EML6: variants seen among roughly 807,000 people sequenced by gnomAD.
EML6 encodes the protein EMAP like 6, also known as echinoderm microtubule-associated protein-like 6.
EML6 carries 154 observed loss-of-function variants against 240.1 expected under a neutral mutation model. The observed-to-expected ratio is 0.64, with a 90% CI of 0.56 to 0.73. The LOEUF is 0.73. EML6 is among the 30% of genes least tolerant of loss of function. EML6 has a pLI of 0.00. For synonymous variants in EML6, 1,148 were observed against 899.0 expected (o/e 1.28, Z -4.95); for missense variants, 2,964 against 2,474.6 (o/e 1.20, Z -4.20).
Position 54,816,902 on chromosome 2 carries a change from T to A in EML6, c.456+17T>A, listed in dbSNP as rs749042204. 91 of 1,519,990 alleles carry A rather than the reference T, an allele frequency of 6.0e-5. No homozygotes were observed. Among genetic ancestry groups the A allele is most frequent in the Non-Finnish European group, 7.3e-5 (82 of 1,118,062 alleles). The allele number at this position is 1,519,990 out of a possible 1,614,324, so 94.2% of individuals were successfully genotyped here. A position where few individuals can be genotyped will look rare whatever the true frequency, so the allele number is the denominator to read the frequency against. On this transcript the variant is annotated intron_variant, in intron 4 of 41. Coordinates refer to ENST00000356458, the MANE Select transcript of EML6 (RefSeq NM_001039753.4). ...TCTGACAGGGTAAGAACTTGTTGGA[T>A]CAAGCTATGCAGATTTCAGAACTTG...
rs1280617915 is a variant in EML6, at chr2:54,960,346, C to CAGCT, written c.4968+13_4968+16dup. The CAGCT allele has an allele frequency of 1.3e-6, 2 of 1,541,284 alleles. No individual in the cohort carries two copies. Among genetic ancestry groups the CAGCT allele is most frequent in the Admixed American group, 3.9e-5 (2 of 50,984 alleles). ...TGTGCCGTGGAAAAGTGAGCACAGCCAGCTCCCCTGGGGGCTGGGCCAGGG... is the reference window on the plus strand; with the variant it reads ...TGTGCCGTGGAAAAGTGAGCACAGCCAGCTAGCTCCCCTGGGGGCTGGGCCAGGG... On this transcript the variant is annotated intron_variant, in intron 35 of 41. Transcript: ENST00000356458.
intron 2 of EML6, among the ~76,000 whole-genome samples, chr2:54,764,776 T>C (rs1392338355): frequency 6.6e-6 from 1 of 152,180 alleles, no homozygotes; most frequent in Non-Finnish European, 1.5e-5. Context: ...CAAAAGGCCA[T>C]GGTGGCCTTT....
chr2:54,798,039 G>A (rs566962089), intron 2 of EML6, among the ~76,000 whole-genome samples: 1 of 152,246 alleles, frequency 6.6e-6, no homozygotes, highest in East Asian at 1.9e-4. Flanking sequence ...AAAAAAGCTT[G>A]TTGGAATTTC....
chr2:54,964,094 T>C lies in EML6; in HGVS notation c.5266T>C (p.Leu1756=). Residue 1756 remains leucine (L), a synonymous_variant, in exon 37 of 42, where the codon TTG becomes CTG. Coordinates refer to ENST00000356458, the MANE Select transcript of EML6 (RefSeq NM_001039753.4). Reference sequence around the variant, plus strand: ...GAAGAATGGAGAGTTTGTCATCTTGTTGGTGAACAGCCTGAAAGTTTGGGG... The same window carrying C: ...GAAGAATGGAGAGTTTGTCATCTTGCTGGTGAACAGCCTGAAAGTTTGGGG... ...GMKNGEFVIL[L]VNSLKVWGKK... 1 of 1,551,712 alleles carries C rather than the reference T, an allele frequency of 6.4e-7. No homozygotes were observed. The highest frequency in any genetic ancestry group is 8.7e-7 in the Non-Finnish European group (1 of 1,147,006).
chr2:54,963,051 C>T (rs971023005), intron 36 of EML6, among the ~76,000 whole-genome samples: 2 of 144,650 alleles, frequency 1.4e-5, no homozygotes, highest in African/African-American at 5.1e-5. Flanking sequence ...AACAAGGTTT[C>T]TCTTAGAGCT....
At chr2:54,846,113 T>G (rs1056038817) in intron 8 of EML6, among the ~76,000 whole-genome samples, 3 of 152,062 alleles carry the variant, frequency 2.0e-5, no homozygotes, top group Non-Finnish European at 4.4e-5. Flanking sequence ...GTTTGCCACT[T>G]CTCCAGCAGT....
intron 24 of EML6, among the ~76,000 whole-genome samples, chr2:54,906,884 G>A (rs773430337): frequency 1.3e-5 from 2 of 152,174 alleles, no homozygotes; most frequent in Non-Finnish European, 2.9e-5. Context: ...GCAAGGTTGA[G>A]AGCAGAATTT....
chr2:54,820,996 A>G (rs368362745), intron 5 of EML6, among the ~76,000 whole-genome samples: 3 of 152,074 alleles, frequency 2.0e-5, no homozygotes, highest in African/African-American at 4.8e-5. Context: ...GCTTCTTACT[A>G]TTTTGTTCAC....
intron 39 of EML6, 95 bp downstream of exon 39, chr2:54,967,198 A>C: frequency 8.7e-6 from 7 of 801,996 alleles, no homozygotes; most frequent in Non-Finnish European, 8.1e-6. Context: ...GGATCTGAAG[A>C]AGCTGAGAAA....
At chr2:54,846,055 G>C (rs1669733897) in intron 8 of EML6, among the ~76,000 whole-genome samples, 1 of 152,146 alleles carries the variant, frequency 6.6e-6, no homozygotes, top group Non-Finnish European at 1.5e-5. Context: ...GGTGTTGTGG[G>C]GATGGGAATG....
At chr2:54,765,217 T>C (rs188440815) in intron 2 of EML6, among the ~76,000 whole-genome samples, 4 of 152,298 alleles carry the variant, frequency 2.6e-5, no homozygotes, top group African/African-American at 7.2e-5. Context: ...TTAACACACA[T>C]AAGCAGATCT....
intron 12 of EML6, among the ~76,000 whole-genome samples, chr2:54,862,326 T>A: frequency 9.2e-6 from 1 of 108,874 alleles, no homozygotes; most frequent in African/African-American, 3.9e-5. Context: ...TGACATAACA[T>A]GACTCCATCT....
chr2:54,970,087 T>G lies in EML6; in HGVS notation c.5869T>G (p.Cys1957Gly), dbSNP rs1676923934. 6.4e-7 allele frequency: 1 copy of G among 1,551,616 alleles called. No individual in the cohort carries two copies. Among genetic ancestry groups the G allele is most frequent in the African/African-American group, 1.4e-5 (1 of 73,052 alleles). Residue 1957 changes from cysteine to glycine, a missense_variant, in exon 42 of 42, where the codon TGT (cysteine) becomes GGT (glycine). Coordinates refer to ENST00000356458, the MANE Select transcript of EML6 (RefSeq NM_001039753.4). ...CCTTTTCAGTGTATTTGTGTGGCGA[T>G]GTCTGTAAAATGCCAGAAGCCTCTT... Reference protein sequence around the residue: ...GDDCSVFVWRCL With the variant: ...GDDCSVFVWRGL
At chr2:54,867,684 A>G (rs4671982) in intron 14 of EML6, 15,350 of 152,356 alleles carry the variant, frequency 0.1, 1,034 homozygotes, top group East Asian at 0.29. Context: ...GGGGAGGTCT[A>G]GGCTGCAGTG....
chr2:54,796,867 T>A (rs1163260339), intron 2 of EML6, among the ~76,000 whole-genome samples: 5 of 152,020 alleles, frequency 3.3e-5, no homozygotes, highest in African/African-American at 7.2e-5. Flanking sequence ...CCTCACCCTG[T>A]GGCCAGGTAG....
At chr2:54,832,726 GTGTCC>G (rs66705433) in intron 7 of EML6, among the ~76,000 whole-genome samples, 28,803 of 151,668 alleles carry the variant, frequency 0.19, 4,036 homozygotes, top group African/African-American at 0.4. Context: ...AGATGGTCAG[GTGTCC>G]TGTCCTCCCC....
chr2:54,884,389 C>T (rs537726294), intron 17 of EML6, among the ~76,000 whole-genome samples: 1 of 152,274 alleles, frequency 6.6e-6, no homozygotes, highest in East Asian at 1.9e-4. Context: ...CTGGAGGCTT[C>T]ATTACATAGG....
chr2:54,738,295 T>C (rs1303588716), intron 2 of EML6, among the ~76,000 whole-genome samples: 1 of 152,228 alleles, frequency 6.6e-6, no homozygotes, highest in African/African-American at 2.4e-5. Context: ...CTTTTATTTG[T>C]TTTTGGATGA....
In EML6 at chr2:54,916,942, T is replaced by C. The variant is rs1349961999; in HGVS notation, c.3675+7T>C. The C allele has an allele frequency of 2.0e-6, 3 of 1,524,510 alleles. No homozygotes were observed. The highest frequency in any genetic ancestry group is 2.5e-5 in the East Asian group (1 of 40,242). 94.4% of individuals were successfully genotyped at this position (1,524,510 alleles called of 1,614,324 possible). A position where few individuals can be genotyped will look rare whatever the true frequency, so the allele number is the denominator to read the frequency against. ...TTTTTCATATCCTGTCAAGGTAATA[T>C]TGCGTGTTTATTATCTTTACTTGCT... is the stretch of plus-strand genomic sequence containing the variant. On this transcript the variant is annotated splice_region_variant and intron_variant, in intron 26 of 41. Transcript: ENST00000356458.
Sources: gnomAD v4.1 joint callset for allele counts (sites outside exome capture counted in the v4.1 genomes callset) on GRCh38, gnomAD v4.1.1 for gene constraint, MANE v1.5 for transcripts, NCBI Gene and HGNC (gene_info 2026-07-23, HGNC 2026-07-21) for gene names.